Variants in CAMTA1 observed in about 807,000 individuals in gnomAD.
The protein encoded by CAMTA1 is calmodulin binding transcription activator 1.
In CAMTA1, 27 loss-of-function variants were observed where a neutral mutation model predicts 170.9. That is an observed-to-expected ratio of 0.16 (90% CI 0.12 to 0.22). CAMTA1 has a LOEUF of 0.22. CAMTA1 is among the 10% of genes least tolerant of loss of function. The probability of loss-of-function intolerance (pLI) is 1.00; values close to 1 mark genes in which losing one functional copy is unlikely to be tolerated. For synonymous variants in CAMTA1, 833 were observed against 891.5 expected (o/e 0.93, Z 1.17); for missense variants, 1,619 against 2,217.2 (o/e 0.73, Z 5.42).
In CAMTA1 at chr1:7,146,626, C is replaced by A. The variant is rs1646200150; in HGVS notation, c.302+55255C>A. On this transcript the variant is annotated intron_variant, in intron 4 of 22. Transcript: ENST00000303635. This position sits in a 1 kb window ranked among gnomAD's most constrained non-coding sequence, Gnocchi z 4.3. ...ACCATCAGGTTGCCAGGACCTGTCC[C>A]CTGGGGCTGGGTCCTCACTGCTTCC... is the stretch of plus-strand genomic sequence containing the variant. Among the ~76,000 whole-genome samples the A allele has an allele frequency of 6.6e-6, 1 of 152,046 alleles. No homozygotes were observed. The highest frequency in any genetic ancestry group is 1.5e-5 in the Non-Finnish European group (1 of 68,018).
chr1:6,954,479 G>T (rs1190048026), intron 3 of CAMTA1, among the ~76,000 whole-genome samples: 1 of 152,214 alleles, frequency 6.6e-6, no homozygotes, highest in Non-Finnish European at 1.5e-5. Flanking sequence ...CTCCTAGGCT[G>T]CCTCCAAATT....
At chr1:7,355,063 AG>A (rs1333616535) in intron 5 of CAMTA1, among the ~76,000 whole-genome samples, 3 of 152,014 alleles carry the variant, frequency 2.0e-5, no homozygotes, top group African/African-American at 7.2e-5. Context: ...AAAATTATCC[AG>A]GCATGGTGGT....
Position 7,305,044 on chromosome 1 carries a change from T to C in CAMTA1, c.438+55418T>C, listed in dbSNP as rs551091723. On this transcript the variant is annotated intron_variant, in intron 5 of 22. Transcript: ENST00000303635. ...GGTAGAAGGGACAGTGTCAATATAT[T>C]ATACAACTTTATTTTTCTTCTCCAG... is the stretch of plus-strand genomic sequence containing the variant. 1.1e-4 allele frequency among the ~76,000 whole-genome samples: 17 copies of C among 152,260 alleles called. 1 individual carries two copies. Among genetic ancestry groups the C allele is most frequent in the African/African-American group, 3.6e-4 (15 of 41,588 alleles).
At chr1:6,793,587 A>G (rs541411152) in intron 1 of CAMTA1, among the ~76,000 whole-genome samples, 9 of 152,312 alleles carry the variant, frequency 5.9e-5, no homozygotes, top group Admixed American at 3.9e-4. Context: ...TTTAGTGTCT[A>G]TGATAAGGGA....
intron 4 of CAMTA1, among the ~76,000 whole-genome samples, chr1:7,134,317 CA>C (rs1183209444): frequency 6.6e-6 from 1 of 152,048 alleles, no homozygotes; most frequent in Non-Finnish European, 1.5e-5. Context: ...TGTTCTGAGA[CA>C]GGGTCTTGCT....
At chr1:7,716,860 G>C (rs1252246170) in intron 11 of CAMTA1, among the ~76,000 whole-genome samples, 1 of 152,190 alleles carries the variant, frequency 6.6e-6, no homozygotes, top group Non-Finnish European at 1.5e-5. Context: ...ACCAGGATAC[G>C]GTAGCACCCT....
chr1:6,941,709 T>G (rs1247312310), intron 3 of CAMTA1, among the ~76,000 whole-genome samples: 2 of 152,194 alleles, frequency 1.3e-5, no homozygotes, highest in Non-Finnish European at 2.9e-5. Flanking sequence ...TCCTGAAGTA[T>G]TAGTACCTAG....
chr1:6,835,709 C>T (rs570293868), intron 3 of CAMTA1, among the ~76,000 whole-genome samples: 1 of 152,344 alleles, frequency 6.6e-6, no homozygotes, highest in East Asian at 1.9e-4. Flanking sequence ...CCCCATACCA[C>T]TCATGCATGT....
At chr1:7,415,346 G>T (rs919943850) in intron 5 of CAMTA1, among the ~76,000 whole-genome samples, 8 of 151,352 alleles carry the variant, frequency 5.3e-5, no homozygotes, top group Non-Finnish European at 1.2e-4. Flanking sequence ...TCTTTCTAAT[G>T]TTGACAGTGG....
intron 3 of CAMTA1, among the ~76,000 whole-genome samples, chr1:7,090,467 G>A (rs2071917): frequency 0.57 from 86,578 of 151,996 alleles, 25,725 homozygotes; most frequent in African/African-American, 0.75. Context: ...TACTAGTCCA[G>A]CCTTAATTTA....
Position 7,443,119 on chromosome 1 carries a change from C to T in CAMTA1, c.439-24711C>T, listed in dbSNP as rs2149419164. Among the ~76,000 whole-genome samples, 5 of 152,100 alleles carry T rather than the reference C, an allele frequency of 3.3e-5. No individual in the cohort carries two copies. The South Asian group carries it at 1.0e-3, about 32-fold the overall frequency. ...AACTGTCCCTCCCAGCTCAAGTATA[C>T]TGTGTCTCTACCCAAGTCAAAGCCC... is the stretch of plus-strand genomic sequence containing the variant. On this transcript the variant is annotated intron_variant, in intron 5 of 22. Coordinates refer to ENST00000303635, the MANE Select transcript of CAMTA1 (RefSeq NM_015215.4). The surrounding 1 kb of genome is among the most constrained non-coding windows in gnomAD (Gnocchi z 4.1).
At chr1:7,382,319 A>C (rs761942619) in intron 5 of CAMTA1, among the ~76,000 whole-genome samples, 2 of 152,228 alleles carry the variant, frequency 1.3e-5, no homozygotes, top group Non-Finnish European at 2.9e-5. Context: ...CCTTGGGTGA[A>C]TTGGGATATG....
At chr1:7,535,496 G>C (rs1169192006) in intron 6 of CAMTA1, among the ~76,000 whole-genome samples, 2 of 152,200 alleles carry the variant, frequency 1.3e-5, no homozygotes, top group South Asian at 4.1e-4. Flanking sequence ...TCTGGGCTGC[G>C]AGCATGGCCC....
chr1:7,310,712 T>C (rs370071191), intron 5 of CAMTA1, among the ~76,000 whole-genome samples: 4,761 of 62,812 alleles, frequency 0.076, 620 homozygotes, highest in African/African-American at 0.21. Context: ...CTTTCTTTCT[T>C]TCTTTCTTTC....
chr1:7,092,361 A>T lies in CAMTA1; in HGVS notation c.302+990A>T, dbSNP rs907786479. Reference sequence around the variant, plus strand: ...TCCTTCCTGAGTCATGGGAAAGGTCATCCTTGGGAATGTTTATTCCTTCTA... The same window carrying T: ...TCCTTCCTGAGTCATGGGAAAGGTCTTCCTTGGGAATGTTTATTCCTTCTA... On this transcript the variant is annotated intron_variant, in intron 4 of 22. Coordinates refer to ENST00000303635, the MANE Select transcript of CAMTA1 (RefSeq NM_015215.4). The surrounding 1 kb of genome is among the most constrained non-coding windows in gnomAD (Gnocchi z 5.0). Among the ~76,000 whole-genome samples the T allele has an allele frequency of 6.6e-6, 1 of 152,218 alleles. No individual in the cohort carries two copies. Among genetic ancestry groups the T allele is most frequent in the African/African-American group, 2.4e-5 (1 of 41,464 alleles).
chr1:6,926,983 G>A (rs962920995), intron 3 of CAMTA1, among the ~76,000 whole-genome samples: 11 of 151,708 alleles, frequency 7.3e-5, no homozygotes, highest in African/African-American at 2.7e-4. Flanking sequence ...CTCCTGCTTT[G>A]GTCTCCCAAA....
chr1:7,684,908 C>T (rs2096244951), intron 11 of CAMTA1, among the ~76,000 whole-genome samples: 1 of 152,138 alleles, frequency 6.6e-6, no homozygotes, highest in Admixed American at 6.5e-5. Context: ...CCAGAAGCCT[C>T]CTGAGGGTTT....
chr1:7,404,563 T>C (rs2090150693), intron 5 of CAMTA1, among the ~76,000 whole-genome samples: 1 of 152,214 alleles, frequency 6.6e-6, no homozygotes, highest in Admixed American at 6.5e-5. Context: ...GTCTATGTTG[T>C]ATCGTTGCTG....
At chr1:7,227,142 C>A (rs1387246129) in intron 4 of CAMTA1, among the ~76,000 whole-genome samples, 1 of 151,914 alleles carries the variant, frequency 6.6e-6, no homozygotes, top group African/African-American at 2.4e-5. Flanking sequence ...CAACTGAAGC[C>A]ATTTTTAGGG....
Sources: gnomAD v4.1 joint callset for allele counts (sites outside exome capture counted in the v4.1 genomes callset) on GRCh38, gnomAD v4.1.1 for gene constraint, Gnocchi (gnomAD v3.1) non-coding constraint, MANE v1.5 for transcripts, NCBI Gene and HGNC (gene_info 2026-07-23, HGNC 2026-07-21) for gene names.